TMC1: variants seen among roughly 807,000 people sequenced by gnomAD.
TMC1 encodes the protein transmembrane channel like 1.
A neutral mutation model predicts 105.8 loss-of-function variants in TMC1; 84 were observed. The observed-to-expected ratio is 0.79, with a 90% CI of 0.67 to 0.95. The LOEUF is 0.95. Ranked by LOEUF, TMC1 falls within the 40% of genes least tolerant of loss-of-function variation. The probability of loss-of-function intolerance (pLI) is 0.00; values close to 1 mark genes in which losing one functional copy is unlikely to be tolerated. For missense variants in TMC1, 817 were observed against 914.1 expected (o/e 0.89, Z 1.37); for synonymous variants, 315 against 311.5 (o/e 1.01, Z -0.12).
At chr9:72,596,260 C>T (rs1824718580) in intron 2 of TMC1, among the ~76,000 whole-genome samples, 1 of 152,150 alleles carries the variant, frequency 6.6e-6, no homozygotes, top group Admixed American at 6.5e-5. Context: ...CTCTGCAGGA[C>T]CCAGTTTAAT....
chr9:72,732,611 G>A (rs772148978), intron 8 of TMC1, among the ~76,000 whole-genome samples: 1 of 150,546 alleles, frequency 6.6e-6, no homozygotes. Context: ...ATAACTAAAA[G>A]CATCATTTAC....
intron 5 of TMC1, among the ~76,000 whole-genome samples, chr9:72,659,605 G>A (rs776605325): frequency 3.3e-5 from 5 of 152,312 alleles, no homozygotes; most frequent in Admixed American, 6.5e-5. Flanking sequence ...CTGCACTCCC[G>A]CCTGGGCAAC....
At chr9:72,703,997 C>T (rs1250372286) in intron 8 of TMC1, among the ~76,000 whole-genome samples, 1 of 152,118 alleles carries the variant, frequency 6.6e-6, no homozygotes, top group Non-Finnish European at 1.5e-5. Context: ...TGAGCTTCTC[C>T]CCACCAGATT....
chr9:72,611,619 G>A (rs557520545), intron 2 of TMC1, among the ~76,000 whole-genome samples: 2 of 152,176 alleles, frequency 1.3e-5, no homozygotes, highest in Non-Finnish European at 2.9e-5. Context: ...CATGTCTGTG[G>A]CTGAGAGTTG....
intron 6 of TMC1, among the ~76,000 whole-genome samples, chr9:72,691,501 C>T (rs1370857906): frequency 6.6e-6 from 1 of 152,180 alleles, no homozygotes; most frequent in African/African-American, 2.4e-5. Context: ...GCCAGAGATT[C>T]TTGGGCCTCT....
intron 5 of TMC1, among the ~76,000 whole-genome samples, chr9:72,668,073 A>G (rs924127352): frequency 6.6e-6 from 1 of 152,234 alleles, no homozygotes; most frequent in Admixed American, 6.5e-5. Flanking sequence ...TTTTGGAATA[A>G]AAGAAAAATA....
chr9:72,792,118 G>A (rs777934723), intron 16 of TMC1, 53 bp downstream of exon 16: 7 of 1,613,476 alleles, frequency 4.3e-6, no homozygotes, highest in Non-Finnish European at 5.9e-6. Flanking sequence ...TCAATTCCCA[G>A]TCTCAAGTTT....
intron 8 of TMC1, among the ~76,000 whole-genome samples, chr9:72,715,788 A>G (rs779045493): frequency 3.9e-5 from 6 of 151,932 alleles, no homozygotes; most frequent in African/African-American, 7.3e-5. Context: ...TTCTCCATCC[A>G]GTTTTGTTCG....
intron 18 of TMC1, among the ~76,000 whole-genome samples, chr9:72,815,734 C>T (rs112929151): frequency 4.3e-4 from 65 of 152,234 alleles, no homozygotes; most frequent in African/African-American, 1.5e-3. Context: ...TTCATCATTG[C>T]TTGTTAAAGT....
intron 1 of TMC1, among the ~76,000 whole-genome samples, chr9:72,536,569 T>A (rs1260541936): frequency 6.6e-6 from 1 of 152,198 alleles, no homozygotes; most frequent in Non-Finnish European, 1.5e-5. Context: ...CCTGACCTCG[T>A]GATCCGCCTG....
intron 13 of TMC1, among the ~76,000 whole-genome samples, chr9:72,778,304 T>G (rs1430166432): frequency 6.6e-6 from 1 of 152,048 alleles, no homozygotes; most frequent in African/African-American, 2.4e-5. Flanking sequence ...AGGGAGGCAT[T>G]GAGAGTGGAT....
intron 4 of TMC1, among the ~76,000 whole-genome samples, chr9:72,641,366 A>G (rs1228616554): frequency 6.6e-6 from 1 of 152,086 alleles, no homozygotes; most frequent in Non-Finnish European, 1.5e-5. Flanking sequence ...ATGCTGGGAT[A>G]GCAGGCGTGA....
rs536963558 is a variant in TMC1 at position 72,783,761 on chromosome 9, A to G, written c.885-4578A>G. 1.9e-3 allele frequency among the ~76,000 whole-genome samples: 292 copies of G among 152,296 alleles called. 1 individual carries two copies. The highest frequency in any genetic ancestry group is 3.1e-3 in the Non-Finnish European group (208 of 68,014). On this transcript the variant is annotated intron_variant, in intron 13 of 23. Transcript: ENST00000297784. ...CACATGTACAAGAACCTGATTTTTG[A>G]CAAAGTTAACAAAAACAAGCAATGG... is the stretch of plus-strand genomic sequence containing the variant.
At position 72,694,674 on chromosome 9, in the gene TMC1, G is replaced by C; in HGVS notation, c.196G>C (p.Ala66Pro). 6.2e-7 allele frequency: 1 copy of C among 1,612,004 alleles called. No individual in the cohort carries two copies. Among genetic ancestry groups the C allele is most frequent in the Non-Finnish European group, 8.5e-7 (1 of 1,178,930 alleles). Reference protein sequence around the residue: ...PEPEDEETRKAREKERRRRLK... With the variant: ...PEPEDEETRKPREKERRRRLK... Reference sequence around the variant, plus strand: ...ACCAGAGGATGAAGAAACAAGGAAGGCAAGAGAAAAAGAGAGGAGGAGGAG... The same window carrying C: ...ACCAGAGGATGAAGAAACAAGGAAGCCAAGAGAAAAAGAGAGGAGGAGGAG... Residue 66 changes from alanine (A) to proline (P), a missense_variant, in exon 7 of 24, where the codon GCA becomes CCA. Ala to Pro is a conservative substitution (Grantham distance 27). Transcript: ENST00000297784.
chr9:72,638,283 C>T (rs553043871), intron 4 of TMC1, among the ~76,000 whole-genome samples: 26 of 152,212 alleles, frequency 1.7e-4, no homozygotes, highest in Non-Finnish European at 3.1e-4. Context: ...CCACACACTA[C>T]AATGTGTGCA....
Position 72,743,382 on chromosome 9 carries a change from T to A in TMC1, c.535+857T>A, listed in dbSNP as rs1239090053. On this transcript the variant is annotated intron_variant, in intron 10 of 23. Transcript: ENST00000297784. ...ACTCCGTCTCACAAAAAAAAAAAAA[T>A]AAAAAAAATAAAAAATAAAAATAAA... 7.5e-3 allele frequency among the ~76,000 whole-genome samples: 938 copies of A among 125,864 alleles called. 3 individuals carry two copies. The highest frequency in any genetic ancestry group is 0.012 in the Middle Eastern group (3 of 246). The allele number at this position is 125,864 out of a possible 152,430, so 82.6% of individuals were successfully genotyped here.
chr9:72,578,837 G>C (rs1824430669), intron 2 of TMC1, among the ~76,000 whole-genome samples: 2 of 152,178 alleles, frequency 1.3e-5, no homozygotes, highest in African/African-American at 4.8e-5. Context: ...CACTGTAGTG[G>C]TGCCTGAGGG....
At chr9:72,672,059 A>G (rs1826133188) in intron 5 of TMC1, among the ~76,000 whole-genome samples, 1 of 152,190 alleles carries the variant, frequency 6.6e-6, no homozygotes, top group South Asian at 2.1e-4. Flanking sequence ...TTATTTGCTT[A>G]TCTTTATCTC....
chr9:72,597,443 A>G (rs937512351), intron 2 of TMC1, among the ~76,000 whole-genome samples: 2 of 152,182 alleles, frequency 1.3e-5, no homozygotes, highest in Admixed American at 1.3e-4. Flanking sequence ...CCTGCTGTTC[A>G]CCTTCCATTA....
Sources: gnomAD v4.1 joint callset for allele counts (sites outside exome capture counted in the v4.1 genomes callset) on GRCh38, gnomAD v4.1.1 for gene constraint, MANE v1.5 for transcripts, NCBI Gene and HGNC (gene_info 2026-07-23, HGNC 2026-07-21) for gene names.